The following ARHGAP26 variants were observed in gnomAD, a reference collection of about 807,000 sequenced individuals.
ARHGAP26 encodes rho GTPase-activating protein 26.
A neutral mutation model predicts 104.8 loss-of-function variants in ARHGAP26; 38 were observed. The observed-to-expected ratio is 0.36, with a 90% confidence interval of 0.28 to 0.48. The LOEUF is 0.48. Ranked by LOEUF, ARHGAP26 falls within the 20% of genes least tolerant of loss-of-function variation. The pLI, the probability that ARHGAP26 is intolerant of heterozygous loss-of-function variation, is 0.99. For synonymous variants in ARHGAP26, 341 were observed against 340.0 expected (o/e 1.00, Z -0.03); for missense variants, 704 against 947.9 (o/e 0.74, Z 3.38).
chr5:142,899,674 A>G (rs1275929507), intron 6 of ARHGAP26, among the ~76,000 whole-genome samples: 1 of 151,762 alleles, frequency 6.6e-6, no homozygotes, highest in Non-Finnish European at 1.5e-5. Context: ...GTGGACTTTC[A>G]TTTCCCACTT....
chr5:142,876,463 C>T (rs1400366508), intron 3 of ARHGAP26, among the ~76,000 whole-genome samples: 1 of 152,046 alleles, frequency 6.6e-6, no homozygotes, highest in Non-Finnish European at 1.5e-5. Flanking sequence ...CCCAAGTCTG[C>T]ATTATATTAA....
intron 18 of ARHGAP26, among the ~76,000 whole-genome samples, chr5:143,126,205 G>T (rs1280268433): frequency 6.6e-6 from 1 of 152,152 alleles, no homozygotes; most frequent in Non-Finnish European, 1.5e-5. Flanking sequence ...AGTTTTCTAG[G>T]CAGAGAAAGA....
intron 11 of ARHGAP26, among the ~76,000 whole-genome samples, chr5:143,009,047 T>C (rs542878122): frequency 6.6e-6 from 1 of 152,302 alleles, no homozygotes; most frequent in Admixed American, 6.5e-5. Flanking sequence ...TGCAGTGCCC[T>C]GTGATTTGTA....
chr5:143,128,044 C>G (rs1183677361), intron 18 of ARHGAP26, among the ~76,000 whole-genome samples: 1 of 152,076 alleles, frequency 6.6e-6, no homozygotes, highest in Non-Finnish European at 1.5e-5. Flanking sequence ...TTGTTCCTCT[C>G]CTTGTTAGGG....
At chr5:142,903,116 T>A (rs1268732752) in intron 7 of ARHGAP26, among the ~76,000 whole-genome samples, 1 of 152,140 alleles carries the variant, frequency 6.6e-6, no homozygotes, top group African/African-American at 2.4e-5. Context: ...ACTCCCCTTT[T>A]AAGGAGGGAC....
intron 11 of ARHGAP26, among the ~76,000 whole-genome samples, chr5:142,944,275 G>A (rs533341356): frequency 6.6e-6 from 1 of 152,240 alleles, no homozygotes; most frequent in South Asian, 2.1e-4. Flanking sequence ...AGATTATTAG[G>A]CCTTTAGTCT....
At chr5:142,917,158 G>C (rs1284494387) in intron 10 of ARHGAP26, among the ~76,000 whole-genome samples, 1 of 151,548 alleles carries the variant, frequency 6.6e-6, no homozygotes, top group Admixed American at 6.6e-5. Context: ...TCCTGCCTCA[G>C]CCTCCTGAGC....
intron 21 of ARHGAP26, among the ~76,000 whole-genome samples, chr5:143,209,654 G>A (rs34240649): frequency 5.3e-5 from 8 of 151,966 alleles, no homozygotes; most frequent in South Asian, 4.2e-4. Context: ...GGTGGTGGGC[G>A]CCTGTAATCC....
At chr5:143,031,181 C>T (rs890311595) in intron 12 of ARHGAP26, among the ~76,000 whole-genome samples, 4 of 152,210 alleles carry the variant, frequency 2.6e-5, no homozygotes, top group Non-Finnish European at 5.9e-5. Context: ...GCACAGTGGC[C>T]CCTGAAGAAG....
intron 17 of ARHGAP26, among the ~76,000 whole-genome samples, chr5:143,097,079 G>A (rs561594397): frequency 2.0e-5 from 3 of 152,066 alleles, no homozygotes; most frequent in African/African-American, 4.8e-5. Context: ...TGGCTCATGC[G>A]TGTAATCACA....
rs146441695 is a variant in ARHGAP26, at chr5:142,837,880, G to A, written c.155-35520G>A. ...GCAGAAGAAAAGAATAGTTATTTAT[G>A]TACATAATTTCACAGTAATCAGATC... On this transcript the variant is annotated intron_variant, in intron 1 of 22. Transcript: ENST00000645722. Among the ~76,000 whole-genome samples, 121 of 152,304 alleles carry A rather than the reference G, an allele frequency of 7.9e-4. No individual in the cohort carries two copies. In the Middle Eastern group the frequency reaches 0.01, roughly 13 times the overall value.
chr5:142,800,034 A>G (rs1335190020), intron 1 of ARHGAP26, among the ~76,000 whole-genome samples: 1 of 152,246 alleles, frequency 6.6e-6, no homozygotes, highest in Non-Finnish European at 1.5e-5. Flanking sequence ...ATTGGTACAA[A>G]TTTAAGTTGG....
chr5:143,153,041 T>A (rs558892254), intron 20 of ARHGAP26, among the ~76,000 whole-genome samples: 2 of 152,202 alleles, frequency 1.3e-5, no homozygotes, highest in Non-Finnish European at 2.9e-5. Flanking sequence ...CATGGGCAGC[T>A]GTCTTGGGAT....
At chr5:142,897,073 G>C (rs1178556697) in intron 6 of ARHGAP26, among the ~76,000 whole-genome samples, 2 of 152,112 alleles carry the variant, frequency 1.3e-5, no homozygotes, top group Non-Finnish European at 2.9e-5. Flanking sequence ...GAAAACCCAG[G>C]TGCTGTGGCT....
intron 13 of ARHGAP26, 132 bp downstream of exon 13, chr5:143,037,393 C>T (rs1782822487): frequency 1.6e-6 from 1 of 618,736 alleles, no homozygotes; most frequent in African/African-American, 1.9e-5. Flanking sequence ...CAGTGGATTT[C>T]CACAAGTCTT....
At chr5:142,775,761 C>G (rs942746303) in intron 1 of ARHGAP26, among the ~76,000 whole-genome samples, 1 of 152,132 alleles carries the variant, frequency 6.6e-6, no homozygotes, top group Non-Finnish European at 1.5e-5. Context: ...TTTCACTTAG[C>G]AAAATATTTT....
At chr5:142,887,629 T>C (rs1421444469) in intron 5 of ARHGAP26, among the ~76,000 whole-genome samples, 1 of 152,214 alleles carries the variant, frequency 6.6e-6, no homozygotes, top group Non-Finnish European at 1.5e-5. Context: ...TTCTAAGTAC[T>C]TTGAGTGTAA....
At chr5:143,209,322 C>A (rs182625045) in intron 21 of ARHGAP26, among the ~76,000 whole-genome samples, 1 of 152,310 alleles carries the variant, frequency 6.6e-6, no homozygotes, top group East Asian at 1.9e-4. Flanking sequence ...CCTACTTCTT[C>A]CTACCTCCCA....
intron 8 of ARHGAP26, among the ~76,000 whole-genome samples, chr5:142,906,220 G>T (rs903974918): frequency 6.6e-6 from 1 of 152,154 alleles, no homozygotes; most frequent in Non-Finnish European, 1.5e-5. Context: ...TGATCACCCA[G>T]TCAAGGTATT....
Sources: gnomAD v4.1 joint callset for allele counts (sites outside exome capture counted in the v4.1 genomes callset) on GRCh38, gnomAD v4.1.1 for gene constraint, MANE v1.5 for transcripts, NCBI Gene and HGNC (gene_info 2026-07-23, HGNC 2026-07-21) for gene names.